RYR3: variants seen among roughly 807,000 people sequenced by gnomAD.
The protein encoded by RYR3 is ryanodine receptor 3, also known as brain ryanodine receptor-calcium release channel.
Under a neutral mutation model 584.3 loss-of-function variants are expected in RYR3, and 207 were observed. The ratio of observed to expected loss-of-function variants is 0.35; its 90% CI spans 0.32 to 0.40. The LOEUF (loss-of-function observed/expected upper bound fraction) is 0.40. RYR3 is among the 10% of genes least tolerant of loss of function. RYR3 has a pLI of 1.00. For synonymous variants in RYR3, 2,416 were observed against 2,248.5 expected, an observed-to-expected ratio of 1.07 and a Z score of -2.11; for missense variants, 5,616 against 6,089.2, an observed-to-expected ratio of 0.92 and a Z score of 2.59.
Position 33,811,052 on chromosome 15 carries a change from CAGCAGTGAG to C in RYR3, c.10257+17_10257+25del, listed in dbSNP as rs1179001468. 1 of 1,602,048 alleles carries C rather than the reference CAGCAGTGAG, an allele frequency of 6.2e-7. No homozygotes were observed. Among genetic ancestry groups the C allele is most frequent in the South Asian group, 1.1e-5 (1 of 88,358 alleles). On this transcript the variant is annotated intron_variant, in intron 72 of 103. Coordinates refer to ENST00000634891, the MANE Select transcript of RYR3 (RefSeq NM_001036.6). ...TGCAGGAAAAGGTGATGACTCAGGA[CAGCAGTGAG>C]AACTCACACCGGCTTTCCTTCTGGC...
At chr15:33,431,737 G>C (rs1567222494) in intron 1 of RYR3, among the ~76,000 whole-genome samples, 1 of 152,164 alleles carries the variant, frequency 6.6e-6, no homozygotes, top group East Asian at 1.9e-4. Context: ...CTGCACTCCA[G>C]CCTGAAAAAG....
intron 16 of RYR3, among the ~76,000 whole-genome samples, chr15:33,598,090 C>G (rs1440758250): frequency 6.6e-6 from 1 of 151,618 alleles, no homozygotes; most frequent in Non-Finnish European, 1.5e-5. Flanking sequence ...GAGGGAGACA[C>G]TGTTATTTTT....
chr15:33,794,353 A>AT (rs2075451365), intron 67 of RYR3, among the ~76,000 whole-genome samples: 1 of 142,054 alleles, frequency 7.0e-6, no homozygotes, highest in South Asian at 2.2e-4. Context: ...ATAAAAATAT[A>AT]TATATATATA....
chr15:33,591,656 A>G (rs1595741477), intron 16 of RYR3, among the ~76,000 whole-genome samples: 1 of 152,192 alleles, frequency 6.6e-6, no homozygotes, highest in African/African-American at 2.4e-5. Flanking sequence ...TTGCCCCTGA[A>G]GCTGCCTTAC....
chr15:33,696,064 G>T (rs1473531875), intron 38 of RYR3, among the ~76,000 whole-genome samples, 154 bp from the exon 39 acceptor site: 1 of 149,728 alleles, frequency 6.7e-6, no homozygotes, highest in Admixed American at 6.8e-5. Flanking sequence ...CAAATTGCTA[G>T]GATTATAGGC....
chr15:33,425,637 ATTTT>A (rs68182512), intron 1 of RYR3, among the ~76,000 whole-genome samples: 33 of 121,812 alleles, frequency 2.7e-4, no homozygotes, highest in African/African-American at 9.0e-4. Context: ...GAGACTCACA[ATTTT>A]TTTTTTTTTT....
At chr15:33,454,975 C>CT (rs2047427170) in intron 1 of RYR3, among the ~76,000 whole-genome samples, 1 of 152,156 alleles carries the variant, frequency 6.6e-6, no homozygotes, top group African/African-American at 2.4e-5. Flanking sequence ...TGAGATTTGT[C>CT]TTTTTGCATA....
chr15:33,621,636 ATATCAT>A (rs2060730380), intron 19 of RYR3, among the ~76,000 whole-genome samples: 1 of 152,168 alleles, frequency 6.6e-6, no homozygotes, highest in South Asian at 2.1e-4. Flanking sequence ...TTCTAACTCT[ATATCAT>A]TATTATTGAG....
In RYR3 at chr15:33,814,621, G is replaced by A. The variant is rs569495825; in HGVS notation, c.10502+1042G>A. Among the ~76,000 whole-genome samples, 9 of 152,176 alleles carry A rather than the reference G, an allele frequency of 5.9e-5. No homozygotes were observed. The South Asian group carries it at 1.2e-3, about 21-fold the overall frequency. Reference sequence around the variant, plus strand: ...ATAGTTAAGAATGATGGTCTCCGCCGGGCGCAGTGGCTCACTCCTGTAATC... The same window carrying A: ...ATAGTTAAGAATGATGGTCTCCGCCAGGCGCAGTGGCTCACTCCTGTAATC... On this transcript the variant is annotated intron_variant, in intron 74 of 103. Transcript: ENST00000634891.
intron 1 of RYR3, among the ~76,000 whole-genome samples, chr15:33,317,892 T>G (rs996426082): frequency 1.6e-4 from 24 of 152,180 alleles, no homozygotes; most frequent in African/African-American, 5.8e-4. Flanking sequence ...CCTTCTTTTT[T>G]CACCTTCCAC....
intron 46 of RYR3, among the ~76,000 whole-genome samples, chr15:33,727,878 G>A (rs549649684): frequency 7.9e-5 from 12 of 152,236 alleles, no homozygotes; most frequent in African/African-American, 2.9e-4. Context: ...ATCCTCACTC[G>A]AAATCCTGTC....
chr15:33,675,598 G>A (rs2064126778), intron 38 of RYR3, among the ~76,000 whole-genome samples: 1 of 152,184 alleles, frequency 6.6e-6, no homozygotes, highest in Non-Finnish European at 1.5e-5. Flanking sequence ...GACTGAGCAT[G>A]AGACAGCTTC....
chr15:33,498,155 TGCAATAA>T (rs1275269235), intron 2 of RYR3, among the ~76,000 whole-genome samples: 1 of 152,206 alleles, frequency 6.6e-6, no homozygotes, highest in African/African-American at 2.4e-5. Context: ...CTATGTAATA[TGCAATAA>T]GCATGGGAGT....
intron 70 of RYR3, among the ~76,000 whole-genome samples, chr15:33,808,911 T>C (rs1161546755): frequency 1.3e-5 from 2 of 152,138 alleles, no homozygotes; most frequent in Non-Finnish European, 2.9e-5. Context: ...CCTGCAACAA[T>C]AGAATTTTCT....
chr15:33,667,729 C>T (rs868457908), intron 36 of RYR3, among the ~76,000 whole-genome samples: 2 of 152,106 alleles, frequency 1.3e-5, no homozygotes, highest in African/African-American at 4.8e-5. Flanking sequence ...ATGGGTTTCA[C>T]CAGACTGTCA....
chr15:33,564,988 A>G (rs557695369), intron 11 of RYR3, among the ~76,000 whole-genome samples: 43 of 152,336 alleles, frequency 2.8e-4, no homozygotes, highest in African/African-American at 1.0e-3. Flanking sequence ...AGAAAAACCA[A>G]TCGAGCACAA....
chr15:33,831,879 C>A (rs573788751), intron 86 of RYR3, among the ~76,000 whole-genome samples: 2 of 152,092 alleles, frequency 1.3e-5, no homozygotes. Flanking sequence ...TTCATCAAAA[C>A]GCTCAGTTTG....
intron 20 of RYR3, 30 bp downstream of exon 20, chr15:33,624,053 C>A: frequency 7.0e-7 from 1 of 1,433,070 alleles, no homozygotes; most frequent in Non-Finnish European, 9.8e-7. Flanking sequence ...AGAAGGCAAC[C>A]AATATAGATG....
intron 1 of RYR3, among the ~76,000 whole-genome samples, chr15:33,433,402 T>C (rs1368752272): frequency 6.6e-6 from 1 of 152,186 alleles, no homozygotes. Flanking sequence ...TTTTGGTCAT[T>C]CAACATTTTA....
Sources: allele counts gnomAD v4.1 joint callset (sites outside exome capture counted in the v4.1 genomes callset), GRCh38; gene constraint gnomAD v4.1.1; transcripts MANE v1.5; gene names NCBI Gene and HGNC (gene_info 2026-07-23, HGNC 2026-07-21).